Variants in DNAH1 observed in about 807,000 individuals in gnomAD.
The protein encoded by DNAH1 is dynein axonemal heavy chain 1, also known as axonemal beta dynein heavy chain 1.
Under a neutral mutation model 484.3 loss-of-function variants are expected in DNAH1, and 327 were observed. The observed-to-expected ratio is 0.68, with a 90% CI of 0.62 to 0.74. DNAH1 has a LOEUF of 0.74. DNAH1 is among the 30% of genes least tolerant of loss of function. The pLI is 0.00. For missense variants in DNAH1, 5,052 were observed against 5,546.8 expected, an observed-to-expected ratio of 0.91 and a Z score of 2.83; for synonymous variants, 2,192 against 2,191.9, an observed-to-expected ratio of 1.00 and a Z score of 0.00.
At position 52,326,124 on chromosome 3, in the gene DNAH1, C is replaced by T. The variant is rs1282327258; in HGVS notation, c.407-16C>T. The stretch of plus-strand genomic sequence containing the variant: ...GGCCTGAGCCCTGAAGCCCCTGCCC[C>T]TGCTTCTACCTGCAGTCGGAAGCTT... On this transcript the variant is annotated splice_polypyrimidine_tract_variant and intron_variant, in intron 3 of 77. Coordinates refer to ENST00000420323, the MANE Select transcript of DNAH1 (RefSeq NM_015512.5). The T allele has an allele frequency of 6.4e-7, 1 of 1,567,842 alleles. No individual in the cohort carries two copies. Among genetic ancestry groups the T allele is most frequent in the East Asian group, 2.3e-5 (1 of 43,370 alleles).
upstream of DNAH1, among the ~76,000 whole-genome samples, chr3:52,311,652 C>T (rs75873286): frequency 2.2e-3 from 341 of 152,312 alleles, 1 homozygote; most frequent in African/African-American, 7.8e-3. Context: ...ACGCAAGGCC[C>T]CCTTCCCTCC....
At chr3:52,311,214 G>C in the DNAH1 span, among the ~76,000 whole-genome samples, 6 of 152,196 alleles carry the variant, frequency 3.9e-5, no homozygotes, top group African/African-American at 1.4e-4. Context: ...GGCTCAGTTT[G>C]TTTGGTTTGG....
chr3:52,392,929 G>A lies in DNAH1; in HGVS notation c.10378G>A (p.Val3460Met). ...CCGCACCCAGATCCTCTTCTTCTGTGTGTCCGACCTGGCCAACGTGGACCC... is the reference window on the plus strand; with the variant it reads ...CCGCACCCAGATCCTCTTCTTCTGTATGTCCGACCTGGCCAACGTGGACCC... ...AIRTQILFFC[V>M]SDLANVDPMY... The change falls in exon 65 of 78, where the codon GTG (valine) becomes ATG (methionine). Residue 3460 changes from valine to methionine, a missense_variant. Val to Met is a conservative substitution (Grantham distance 21, BLOSUM62 1). Around this residue, in one of 4 missense-constraint regions of DNAH1, gnomAD observed 2,929 missense variants for 3,409.4 expected, o/e 0.86. Transcript: ENST00000420323. The A allele has an allele frequency of 6.2e-7, 1 of 1,613,286 alleles. No individual in the cohort carries two copies. The highest frequency in any genetic ancestry group is 8.5e-7 in the Non-Finnish European group (1 of 1,179,770).
chr3:52,373,086 G>A, intron 44 of DNAH1, 33 bp downstream of exon 44: 1 of 1,588,430 alleles, frequency 6.3e-7, no homozygotes, highest in South Asian at 1.1e-5. Context: ...ACAGGGCAAG[G>A]GCTACGCGTG....
chr3:52,344,400 C>G (rs1178510186), intron 8 of DNAH1, 90 bp from the exon 9 acceptor site: 35 of 1,506,908 alleles, frequency 2.3e-5, no homozygotes, highest in Non-Finnish European at 2.8e-5. Context: ...TGCGTGTCCC[C>G]AGGTCCATGC....
At position 52,355,350 on chromosome 3, in the gene DNAH1, C is replaced by T. The variant is rs149651034; in HGVS notation, c.3693+295C>T. Among the ~76,000 whole-genome samples, 570 of 152,356 alleles carry T rather than the reference C, an allele frequency of 3.7e-3. 4 individuals carry two copies. Among genetic ancestry groups the T allele is most frequent in the South Asian group, 0.023 (112 of 4,832 alleles). On this transcript the variant is annotated intron_variant, in intron 21 of 77. Transcript: ENST00000420323. This position sits in a 1 kb window ranked among gnomAD's most constrained non-coding sequence, Gnocchi z 4.5. ...AGGCCTGAGAACTGCCAGGCGGCCT[C>T]CCCAGGGCTGCCTGAGCTTGGGACA...
intron 66 of DNAH1, 82 bp from the exon 67 acceptor site, chr3:52,394,383 A>G: frequency 1.5e-6 from 2 of 1,368,680 alleles, no homozygotes; most frequent in Non-Finnish European, 2.0e-6. Flanking sequence ...GGGTGGTTAG[A>G]GAGGCACTAC....
At chr3:52,330,778 G>C (rs1424034013) in intron 6 of DNAH1, among the ~76,000 whole-genome samples, 1 of 152,218 alleles carries the variant, frequency 6.6e-6, no homozygotes, top group African/African-American at 2.4e-5. Flanking sequence ...CCTTGAAGGG[G>C]GTCCAACTCA....
chr3:52,348,800 G>C lies in DNAH1; in HGVS notation c.2107-88G>C, dbSNP rs188806511. On this transcript the variant is annotated intron_variant, in intron 12 of 77. Coordinates refer to ENST00000420323, the MANE Select transcript of DNAH1 (RefSeq NM_015512.5). The stretch of plus-strand genomic sequence containing the variant: ...GCCACATCCTGCCCCTGCTTGCCCT[G>C]CTCCTCGGGAGGACTCCCCATCTCC... 14 of 1,453,856 alleles carry C rather than the reference G, an allele frequency of 9.6e-6. No individual in the cohort carries two copies. The African/African-American group carries it at 1.9e-4, about 20-fold the overall frequency. 90.1% of individuals were successfully genotyped at this position (1,453,856 alleles called of 1,614,324 possible).
intron 56 of DNAH1, among the ~76,000 whole-genome samples, 178 bp from the exon 57 acceptor site, chr3:52,387,989 A>T (rs1035382548): frequency 5.3e-5 from 8 of 152,122 alleles, no homozygotes; most frequent in Non-Finnish European, 1.0e-4. Flanking sequence ...GGGACCAAAG[A>T]TTACCTTCTG....
At chr3:52,322,282 C>G in intron 1 of DNAH1, 127 bp from the exon 2 acceptor site, 1 of 636,434 alleles carries the variant, frequency 1.6e-6, no homozygotes, top group Non-Finnish European at 2.7e-6. Flanking sequence ...CTCCCTCCTT[C>G]TTGCTCTTCT....
intron 44 of DNAH1, chr3:52,373,882 C>G: frequency 7.2e-7 from 1 of 1,391,248 alleles, no homozygotes; most frequent in Non-Finnish European, 1.0e-6. Context: ...CGAATATTAC[C>G]ACCTTCCTCC....
Position 52,355,069 on chromosome 3 carries a change from C to A in DNAH1, c.3693+14C>A, listed in dbSNP as rs757803860. On this transcript the variant is annotated intron_variant, in intron 21 of 77. Coordinates refer to ENST00000420323, the MANE Select transcript of DNAH1 (RefSeq NM_015512.5). This position sits in a 1 kb window ranked among gnomAD's most constrained non-coding sequence, Gnocchi z 4.5. The stretch of plus-strand genomic sequence containing the variant: ...AAGCTGACCCAGGTCGGCCCTCCCC[C>A]CAGTCCTTCCCTCATCGCTCCCCCA... The A allele has an allele frequency of 1.2e-6, 2 of 1,611,504 alleles. No individual in the cohort carries two copies. Among genetic ancestry groups the A allele is most frequent in the African/African-American group, 1.3e-5 (1 of 75,026 alleles).
chr3:52,332,533 C>G, intron 8 of DNAH1, 139 bp downstream of exon 8: 1 of 1,283,342 alleles, frequency 7.8e-7, no homozygotes, highest in South Asian at 1.5e-5. Context: ...GCCCTCTGGA[C>G]TTGTTGGGGC....
Position 52,378,751 on chromosome 3 carries a change from A to G in DNAH1, c.7348A>G (p.Met2450Val), listed in dbSNP as rs182983770. The change falls in exon 47 of 78, where the codon ATG becomes GTG. Residue 2450 changes from methionine to valine, a missense_variant. Around this residue, in one of 4 missense-constraint regions of DNAH1, gnomAD observed 2,929 missense variants for 3,409.4 expected, o/e 0.86. Coordinates refer to ENST00000420323, the MANE Select transcript of DNAH1 (RefSeq NM_015512.5). ...GGACCTCTCCAAGGTCTTCCAAGGCATGCTCATGGCTGACCCGGCCAAGGT... is the reference window on the plus strand; with the variant it reads ...GGACCTCTCCAAGGTCTTCCAAGGCGTGCTCATGGCTGACCCGGCCAAGGT... ...LRDLSKVFQG[M>V]LMADPAKVED... The G allele has an allele frequency of 1.2e-5, 20 of 1,613,716 alleles. No individual in the cohort carries two copies. The Admixed American group carries it at 3.2e-4, about 26-fold the overall frequency.
In DNAH1 at chr3:52,379,764, A is replaced by G. The variant is rs1002800042; in HGVS notation, c.7378-141A>G. On this transcript the variant is annotated intron_variant, in intron 47 of 77. Transcript: ENST00000420323. This position sits in a 1 kb window ranked among gnomAD's most constrained non-coding sequence, Gnocchi z 4.4. ...TTGCACTTGCCAGCAGCCCCCACAC[A>G]CTGTCCCTGGGCCATGGTGGGAGAG... 7.7e-5 allele frequency: 56 copies of G among 729,694 alleles called. No individual in the cohort carries two copies. Among genetic ancestry groups the G allele is most frequent in the Non-Finnish European group, 1.2e-4 (54 of 453,720 alleles). 45.2% of individuals were successfully genotyped at this position (729,694 alleles called of 1,614,324 possible).
chr3:52,358,621 T>C lies in DNAH1; in HGVS notation c.4150T>C (p.Leu1384=), dbSNP rs1702717589. ...CTCAGCCGAGGGGGAGGAGGTACAG[T>C]TGTGCTTCTCCATCTACCCCTCCAG... ...MYSAEGEEVQ[L]CFSIYPSSNV... The change falls in exon 25 of 78, where the codon TTG becomes CTG. Residue 1384 remains leucine, a synonymous_variant. Transcript: ENST00000420323. This position sits in a 1 kb window ranked among gnomAD's most constrained non-coding sequence, Gnocchi z 4.2. The C allele has an allele frequency of 1.2e-6, 2 of 1,613,166 alleles. No individual in the cohort carries two copies. Among genetic ancestry groups the C allele is most frequent in the East Asian group, 2.2e-5 (1 of 44,854 alleles).
chr3:52,326,888 G>C lies in DNAH1; in HGVS notation c.735G>C (p.Leu245=). 1 of 1,612,134 alleles carries C rather than the reference G, an allele frequency of 6.2e-7. No homozygotes were observed. Among genetic ancestry groups the C allele is most frequent in the Non-Finnish European group, 8.5e-7 (1 of 1,178,976 alleles). Residue 245 remains leucine, a synonymous_variant, in exon 5 of 78, where the codon CTG becomes CTC. Transcript: ENST00000420323. ...HDPIFPIYLP[L]KVFDNEDFDC... is the part of the protein sequence containing the mutation. ...CAATCTTCCCCATCTACCTCCCACT[G>C]AAGGTGAGCCGGGCTTCCACAGATG...
Position 52,361,264 on chromosome 3 carries a change from A to G in DNAH1, c.4786A>G (p.Lys1596Glu). Residue 1596 changes from lysine to glutamate, a missense_variant, in exon 29 of 78, where the codon AAG (lysine) becomes GAG (glutamate). Transcript: ENST00000420323. This position sits in a 1 kb window ranked among gnomAD's most constrained non-coding sequence, Gnocchi z 5.6. ...GKTETTKDLGKALAIQTVVFN... is the reference protein window; with the variant it reads ...GKTETTKDLGEALAIQTVVFN... The stretch of plus-strand genomic sequence containing the variant: ...AACTGAGACCACCAAAGACCTGGGT[A>G]AGGCCTTGGCCATACAGACCGTTGT... 6.2e-7 allele frequency: 1 copy of G among 1,612,888 alleles called. No individual in the cohort carries two copies. The highest frequency in any genetic ancestry group is 8.5e-7 in the Non-Finnish European group (1 of 1,179,590).
Sources: allele counts gnomAD v4.1 joint callset (sites outside exome capture counted in the v4.1 genomes callset), GRCh38; gene constraint gnomAD v4.1.1; regional missense constraint gnomAD v4.1.1; non-coding constraint Gnocchi (gnomAD v3.1); transcripts MANE v1.5; gene names NCBI Gene and HGNC (gene_info 2026-07-23, HGNC 2026-07-21).